Variants in TESK2 observed in about 807,000 individuals in gnomAD.
The protein encoded by TESK2 is dual specificity testis-specific protein kinase 2.
Under a neutral mutation model 57.1 loss-of-function variants are expected in TESK2, and 39 were observed. The observed-to-expected ratio is 0.68, with a 90% CI of 0.53 to 0.89. The LOEUF is 0.89. Among genes scored for constraint, TESK2 ranks in the 40% least tolerant of loss-of-function variants. The probability of loss-of-function intolerance (pLI) is 0.00; values close to 1 mark genes in which losing one functional copy is unlikely to be tolerated. For missense variants in TESK2, 646 were observed against 732.1 expected (o/e 0.88, Z 1.36); for synonymous variants, 249 against 267.9 (o/e 0.93, Z 0.69).
Position 45,347,077 on chromosome 1 carries a change from G to C in TESK2, c.709-15C>G. The C allele has an allele frequency of 6.2e-7, 1 of 1,613,688 alleles. No homozygotes were observed. The highest frequency in any genetic ancestry group is 8.5e-7 in the Non-Finnish European group (1 of 1,179,626). On this transcript the variant is annotated splice_polypyrimidine_tract_variant and intron_variant, in intron 7 of 10. Coordinates refer to ENST00000372086, the MANE Select transcript of TESK2 (RefSeq NM_007170.3). ...AACACATCTGCCTGGTGGGTAGTCG[G>C]ACTTTGGTTTCCCTCTTAATGGGTT...
chr1:45,412,780 A>G (rs1650084281), intron 3 of TESK2, among the ~76,000 whole-genome samples: 1 of 152,196 alleles, frequency 6.6e-6, no homozygotes, highest in Admixed American at 6.5e-5. Flanking sequence ...GCATTTTGGG[A>G]GGCCGAGGTG....
chr1:45,391,775 A>G (rs951068563), intron 3 of TESK2, among the ~76,000 whole-genome samples: 5 of 152,042 alleles, frequency 3.3e-5, no homozygotes, highest in African/African-American at 1.2e-4. Context: ...CCTACCTCCC[A>G]CAGTATAACT....
intron 2 of TESK2, among the ~76,000 whole-genome samples, chr1:45,432,160 G>A (rs533010390): frequency 6.6e-6 from 1 of 151,952 alleles, no homozygotes; most frequent in East Asian, 2.0e-4. Flanking sequence ...GAGATGGGAG[G>A]ATCACTTGAG....
intron 3 of TESK2, among the ~76,000 whole-genome samples, chr1:45,412,646 C>T (rs1650079264): frequency 6.6e-6 from 1 of 152,090 alleles, no homozygotes; most frequent in Admixed American, 6.6e-5. Flanking sequence ...GCATAGTCTT[C>T]AATTTCATAT....
chr1:45,419,383 T>G (rs1009455435), intron 3 of TESK2, among the ~76,000 whole-genome samples: 2 of 152,256 alleles, frequency 1.3e-5, no homozygotes, highest in African/African-American at 2.4e-5. Context: ...TTATTAGTTC[T>G]CTTTCCATCA....
chr1:45,482,810 T>C (rs887703065), intron 1 of TESK2, among the ~76,000 whole-genome samples: 6 of 151,606 alleles, frequency 4.0e-5, no homozygotes, highest in East Asian at 1.9e-4. Flanking sequence ...TGAAACCCTG[T>C]CTCTACTAAA....
At chr1:45,354,450 C>T (rs1372752252) in intron 5 of TESK2, among the ~76,000 whole-genome samples, 1 of 151,902 alleles carries the variant, frequency 6.6e-6, no homozygotes, top group Non-Finnish European at 1.5e-5. Context: ...CATGGTGAAA[C>T]CCCATCTCTA....
chr1:45,476,198 G>T (rs138791949), intron 1 of TESK2, among the ~76,000 whole-genome samples: 1,813 of 152,186 alleles, frequency 0.012, 29 homozygotes, highest in African/African-American at 0.038. Context: ...TCCAAAAATA[G>T]AGATAGATTA....
At position 45,355,469 on chromosome 1, in the gene TESK2, C is replaced by G; in HGVS notation, c.394-20G>C. ...GATATACTGCAAAACAGAAGGAAAA[C>G]CCAGCTACCATTTATCAGAAATATT... On this transcript the variant is annotated intron_variant, in intron 4 of 10. Coordinates refer to ENST00000372086, the MANE Select transcript of TESK2 (RefSeq NM_007170.3). 4 of 1,591,428 alleles carry G rather than the reference C, an allele frequency of 2.5e-6. No homozygotes were observed. The highest frequency in any genetic ancestry group is 3.4e-6 in the Non-Finnish European group (4 of 1,170,912).
At chr1:45,397,702 C>T (rs1010075266) in intron 3 of TESK2, among the ~76,000 whole-genome samples, 1 of 152,310 alleles carries the variant, frequency 6.6e-6, no homozygotes, top group Admixed American at 6.5e-5. Flanking sequence ...AGTTATACAA[C>T]CTGCCACTTC....
chr1:45,453,797 G>A (rs1479966155), intron 2 of TESK2, among the ~76,000 whole-genome samples: 1 of 151,694 alleles, frequency 6.6e-6, no homozygotes, highest in East Asian at 1.9e-4. Flanking sequence ...ATCTGGTAAG[G>A]GATAAATATT....
chr1:45,485,790 G>C (rs1246675747), intron 1 of TESK2, among the ~76,000 whole-genome samples: 1 of 151,434 alleles, frequency 6.6e-6, no homozygotes, highest in Non-Finnish European at 1.5e-5. Flanking sequence ...CAAAGTGCTG[G>C]GATTACAGGC....
At position 45,457,591 on chromosome 1, in the gene TESK2, C is replaced by G. The variant is rs760564359; in HGVS notation, c.195G>C (p.Gly65=). 7.4e-6 allele frequency: 12 copies of G among 1,613,914 alleles called. No homozygotes were observed. In the East Asian group the frequency reaches 2.7e-4, roughly 36 times the overall value. The part of the protein sequence containing the change: ...RLDDFTCEKI[G]SGFFSEVFKV... ...TGAACACTTCAGAAAAGAAGCCAGA[C>G]CCTATTTTTTCACAGGTGAAATCAT... Residue 65 remains glycine (G), a synonymous_variant, in exon 2 of 11, where the codon GGG becomes GGC. Coordinates refer to ENST00000372086, the MANE Select transcript of TESK2 (RefSeq NM_007170.3).
In TESK2 at chr1:45,345,068, G is replaced by A. The variant is rs770179912; in HGVS notation, c.1488C>T (p.Ile496=). The A allele has an allele frequency of 6.2e-7, 1 of 1,614,220 alleles. No homozygotes were observed. Among genetic ancestry groups the A allele is most frequent in the Non-Finnish European group, 8.5e-7 (1 of 1,180,048 alleles). The change falls in exon 11 of 11, where the codon ATC becomes ATT. Residue 496 remains isoleucine (I), a synonymous_variant. Transcript: ENST00000372086. ...LSSLKYRVKE[I]PPFRASALPA... ...GTAGGGCAGATGCCCGGAATGGTGG[G>A]ATCTCTTTAACTCTGTACTTGAGAC...
chr1:45,475,858 G>A (rs1226044961), intron 1 of TESK2, among the ~76,000 whole-genome samples: 1 of 152,188 alleles, frequency 6.6e-6, no homozygotes, highest in Non-Finnish European at 1.5e-5. Context: ...GATGCTTCCT[G>A]CCCAAGAATG....
At chr1:45,363,271 G>A (rs9326141) in intron 4 of TESK2, among the ~76,000 whole-genome samples, 41,192 of 151,746 alleles carry the variant, frequency 0.27, 5,879 homozygotes, top group Admixed American at 0.4. Context: ...TCATTCTCAC[G>A]CCTCCCTTAG....
intron 3 of TESK2, among the ~76,000 whole-genome samples, chr1:45,398,574 A>T (rs986975238): frequency 2.0e-5 from 3 of 151,952 alleles, no homozygotes; most frequent in Non-Finnish European, 4.4e-5. Flanking sequence ...AATAAAAATA[A>T]ACCTCTACTG....
At chr1:45,410,765 A>AT (rs1477893414) in intron 3 of TESK2, among the ~76,000 whole-genome samples, 19 of 150,698 alleles carry the variant, frequency 1.3e-4, no homozygotes, top group Admixed American at 9.9e-4. Context: ...TATTTATTTT[A>AT]TTTTTTATTT....
At chr1:45,420,720 G>A (rs1296986707) in intron 3 of TESK2, among the ~76,000 whole-genome samples, 1 of 151,642 alleles carries the variant, frequency 6.6e-6, no homozygotes, top group Non-Finnish European at 1.5e-5. Context: ...AAGTGGCTGG[G>A]ACTATAGGCA....
Sources: gnomAD v4.1 joint callset for allele counts (sites outside exome capture counted in the v4.1 genomes callset) on GRCh38, gnomAD v4.1.1 for gene constraint, MANE v1.5 for transcripts, NCBI Gene and HGNC (gene_info 2026-07-23, HGNC 2026-07-21) for gene names.